Variants in ATRNL1 observed in about 807,000 individuals in gnomAD.
ATRNL1 encodes attractin like 1, also known as attractin-like protein 1.
Under a neutral mutation model 182.7 loss-of-function variants are expected in ATRNL1, and 95 were observed. That is an observed-to-expected ratio of 0.52 (90% CI 0.44 to 0.62). ATRNL1 has a LOEUF of 0.62. Ranked by LOEUF, ATRNL1 falls within the 20% of genes least tolerant of loss-of-function variation. ATRNL1 has a pLI of 0.00. For synonymous variants in ATRNL1, 576 were observed against 568.3 expected (o/e 1.01, Z -0.19); for missense variants, 1,471 against 1,679.5 (o/e 0.88, Z 2.17).
At chr10:115,558,067 A>AC (rs1554997731) in intron 26 of ATRNL1, among the ~76,000 whole-genome samples, 119 of 145,974 alleles carry the variant, frequency 8.2e-4, no homozygotes, top group Middle Eastern at 6.9e-3. Flanking sequence ...CAAAAAAACA[A>AC]AAAAAAAAAA....
In ATRNL1 at chr10:115,946,597, T is replaced by G. The variant is rs868936784; in HGVS notation, c.*1818T>G. Reference sequence around the variant, plus strand: ...TTTTAGTAATTTTATCTATAATCTGTGGGGTTTTTTTGGAGGGGGAGGCCA... The same window carrying G: ...TTTTAGTAATTTTATCTATAATCTGGGGGGTTTTTTTGGAGGGGGAGGCCA... On this transcript the variant is annotated 3_prime_UTR_variant, in exon 29 of 29. Transcript: ENST00000355044. 1 of 152,260 alleles carries G rather than the reference T, an allele frequency of 6.6e-6. No individual in the cohort carries two copies. Among genetic ancestry groups the G allele is most frequent in the South Asian group, 2.1e-4 (1 of 4,824 alleles). The allele number at this position is 152,260 out of a possible 1,614,324, so 9.4% of individuals were successfully genotyped here. A position where few individuals can be genotyped will look rare whatever the true frequency, so the allele number is the denominator to read the frequency against.
intron 26 of ATRNL1, among the ~76,000 whole-genome samples, chr10:115,624,635 G>C (rs942009539): frequency 2.6e-5 from 4 of 152,100 alleles, no homozygotes; most frequent in African/African-American, 7.2e-5. Context: ...TTTTGAAGTA[G>C]GCCATGATGA....
At chr10:115,798,389 C>T (rs1949709627) in intron 27 of ATRNL1, among the ~76,000 whole-genome samples, 1 of 152,174 alleles carries the variant, frequency 6.6e-6, no homozygotes, top group African/African-American at 2.4e-5. Context: ...GCTCTCTGCT[C>T]CCCATACCAC....
At chr10:115,444,557 TA>T (rs1846863691) in intron 21 of ATRNL1, among the ~76,000 whole-genome samples, 1 of 152,014 alleles carries the variant, frequency 6.6e-6, no homozygotes, top group Non-Finnish European at 1.5e-5. Context: ...TATATTTTTG[TA>T]ATTTACCTCT....
intron 24 of ATRNL1, among the ~76,000 whole-genome samples, chr10:115,506,307 A>G (rs1329055798): frequency 6.6e-6 from 1 of 152,074 alleles, no homozygotes; most frequent in Non-Finnish European, 1.5e-5. Flanking sequence ...AAGGAACAAT[A>G]AAAATAGGAA....
At chr10:115,226,417 A>G (rs1366831044) in intron 9 of ATRNL1, among the ~76,000 whole-genome samples, 3 of 152,006 alleles carry the variant, frequency 2.0e-5, no homozygotes, top group Non-Finnish European at 4.4e-5. Context: ...CTATATTTAT[A>G]TGTCTAAAAA....
chr10:115,706,287 G>C (rs7915109), intron 26 of ATRNL1, among the ~76,000 whole-genome samples: 56,570 of 151,598 alleles, frequency 0.37, 11,391 homozygotes, highest in East Asian at 0.59. Flanking sequence ...GGTCACATTA[G>C]CTTGACTTCT....
At chr10:115,507,993 G>GTA (rs1291916466) in intron 24 of ATRNL1, among the ~76,000 whole-genome samples, 7 of 152,008 alleles carry the variant, frequency 4.6e-5, no homozygotes, top group African/African-American at 1.7e-4. Context: ...CAGAGATGTT[G>GTA]TAGTTTTTTT....
chr10:115,168,428 C>T (rs1360525158), intron 7 of ATRNL1, among the ~76,000 whole-genome samples: 1 of 152,144 alleles, frequency 6.6e-6, no homozygotes, highest in Non-Finnish European at 1.5e-5. Flanking sequence ...TACATTCCCA[C>T]CAGCCATGTA....
chr10:115,646,095 G>A (rs1420533458), intron 26 of ATRNL1, among the ~76,000 whole-genome samples: 1 of 144,388 alleles, frequency 6.9e-6, no homozygotes, highest in Non-Finnish European at 1.5e-5. Context: ...TTAAGCTGAG[G>A]GAATACTAGA....
intron 26 of ATRNL1, among the ~76,000 whole-genome samples, chr10:115,714,965 A>G (rs1296802687): frequency 6.6e-6 from 1 of 152,178 alleles, no homozygotes; most frequent in African/African-American, 2.4e-5. Flanking sequence ...AATACATTCA[A>G]GAAAATTTAC....
chr10:115,096,975 A>G (rs2085026683), intron 1 of ATRNL1: 1 of 271,374 alleles, frequency 3.7e-6, no homozygotes, highest in South Asian at 1.0e-4. Flanking sequence ...TGAATAGTTC[A>G]GTGTAATGTT....
chr10:115,494,782 G>A (rs74695883), intron 24 of ATRNL1, among the ~76,000 whole-genome samples: 1 of 152,254 alleles, frequency 6.6e-6, no homozygotes, highest in South Asian at 2.1e-4. Flanking sequence ...GTTCATCAAG[G>A]ATATTAGCCT....
intron 9 of ATRNL1, among the ~76,000 whole-genome samples, chr10:115,225,734 C>G (rs997793490): frequency 6.6e-6 from 1 of 151,028 alleles, no homozygotes; most frequent in Admixed American, 6.6e-5. Context: ...TTAAATATAT[C>G]TCAGACCAAA....
chr10:115,862,024 T>C (rs1357191027), intron 28 of ATRNL1, among the ~76,000 whole-genome samples: 1 of 152,182 alleles, frequency 6.6e-6, no homozygotes, highest in Non-Finnish European at 1.5e-5. Flanking sequence ...CCTTACCACT[T>C]TTCTTGATGA....
At chr10:115,857,232 T>C (rs537294036) in intron 28 of ATRNL1, among the ~76,000 whole-genome samples, 56 of 152,186 alleles carry the variant, frequency 3.7e-4, no homozygotes, top group Non-Finnish European at 6.8e-4. Flanking sequence ...TTGGCAAGGC[T>C]TCTGATAAAA....
At chr10:115,600,095 T>G (rs991061697) in intron 26 of ATRNL1, among the ~76,000 whole-genome samples, 5 of 152,148 alleles carry the variant, frequency 3.3e-5, no homozygotes, top group Non-Finnish European at 5.9e-5. Flanking sequence ...GTGTGTGTGT[T>G]TTTTTCCTGT....
At chr10:115,104,546 C>T (rs1459654177) in intron 1 of ATRNL1, among the ~76,000 whole-genome samples, 8 of 151,968 alleles carry the variant, frequency 5.3e-5, no homozygotes, top group East Asian at 3.9e-4. Context: ...CTTTTTAACT[C>T]GATATGATCC....
At chr10:115,755,482 C>T (rs575512115) in intron 27 of ATRNL1, among the ~76,000 whole-genome samples, 45 of 152,156 alleles carry the variant, frequency 3.0e-4, no homozygotes, top group African/African-American at 1.0e-3. Context: ...TATTGATTAG[C>T]GTATGTTGAA....
Sources: allele counts gnomAD v4.1 joint callset (sites outside exome capture counted in the v4.1 genomes callset), GRCh38; gene constraint gnomAD v4.1.1; transcripts MANE v1.5; gene names NCBI Gene and HGNC (gene_info 2026-07-23, HGNC 2026-07-21).